Variants in UBE2J2 observed in about 807,000 individuals in gnomAD.
UBE2J2 encodes the protein ubiquitin-conjugating enzyme E2 J2.
UBE2J2 carries 5 observed loss-of-function variants against 28.6 expected under a neutral mutation model. The ratio of observed to expected loss-of-function variants is 0.17; its 90% CI spans 0.09 to 0.37. UBE2J2 has a LOEUF of 0.37. Among genes scored for constraint, UBE2J2 ranks in the 10% least tolerant of loss-of-function variants. The pLI is 1.00. For synonymous variants in UBE2J2, 138 were observed against 139.7 expected (o/e 0.99, Z 0.09); for missense variants, 226 against 338.9 (o/e 0.67, Z 2.62).
intron 5 of UBE2J2, among the ~76,000 whole-genome samples, 173 bp downstream of exon 5, chr1:1,256,819 G>A (rs1023193223): frequency 6.6e-6 from 1 of 151,316 alleles, no homozygotes; most frequent in Non-Finnish European, 1.5e-5. Context: ...CCCGGGGGGC[G>A]GAGCTTGCAG....
rs1225942546 is a variant in UBE2J2 at position 1,255,269 on chromosome 1, C to A, written c.714G>T (p.Val238=). 6.2e-7 allele frequency: 1 copy of A among 1,613,280 alleles called. No individual in the cohort carries two copies. Among genetic ancestry groups the A allele is most frequent in the African/African-American group, 1.3e-5 (1 of 74,956 alleles). The change falls in exon 7 of 7, where the codon GTG becomes GTT. Residue 238 remains valine (V), a synonymous_variant. Coordinates refer to ENST00000349431, the MANE Select transcript of UBE2J2 (RefSeq NM_058167.3). ...AAGCAAAGGCTGCAAACCCAACTAT[C>A]ACAAACAAGTTCGCCAGGGCGCCAC... The part of the protein sequence containing the change: ...LLGGALANLF[V]IVGFAAFAYT...
intron 1 of UBE2J2, among the ~76,000 whole-genome samples, chr1:1,270,498 C>A (rs1640094272): frequency 6.6e-6 from 1 of 152,260 alleles, no homozygotes; most frequent in East Asian, 1.9e-4. Flanking sequence ...TCAGCACCAC[C>A]CCCAACCCTG....
chr1:1,256,077 C>A lies in UBE2J2; in HGVS notation c.463G>T (p.Val155Phe). Residue 155 changes from valine (V) to phenylalanine (F), a missense_variant, in exon 6 of 7, where the codon GTC becomes TTC. Around this residue, in one of 3 missense-constraint regions of UBE2J2, gnomAD observed 133 missense variants for 161.5 expected, o/e 0.82. Coordinates refer to ENST00000349431, the MANE Select transcript of UBE2J2 (RefSeq NM_058167.3). ...ACTTCAGGAAATAATTCACAAAAGA[C>A]TTTATCTTTCAAATTAAATGCTAAA... ...QSLAFNLKDK[V>F]FCELFPEVVE... The A allele has an allele frequency of 6.2e-7, 1 of 1,613,798 alleles. No individual in the cohort carries two copies. The highest frequency in any genetic ancestry group is 8.5e-7 in the Non-Finnish European group (1 of 1,179,756).
intron 2 of UBE2J2, among the ~76,000 whole-genome samples, chr1:1,265,564 C>CGTGTGTGTGTGTGTGTGTGT (rs112951404): frequency 3.5e-5 from 5 of 143,234 alleles, no homozygotes; most frequent in African/African-American, 1.3e-4. Context: ...AGTTTTCTCT[C>CGTGTGTGTGTGTGTGTGTGT]GTGTGTGTGT....
At position 1,255,348 on chromosome 1, in the gene UBE2J2, G is replaced by T. The variant is rs1471159387; in HGVS notation, c.635C>A (p.Ala212Asp). Residue 212 changes from alanine to aspartate, a missense_variant, in exon 7 of 7, where the codon GCC becomes GAC. Physicochemically the swap from Ala to Asp is moderately radical, Grantham distance 126. This residue lies in a region of UBE2J2 where 133 missense variants were observed against 161.5 expected (regional missense o/e 0.82). Coordinates refer to ENST00000349431, the MANE Select transcript of UBE2J2 (RefSeq NM_058167.3). ...IQLLNGHAPG[A>D]VPNLAGLQQA... ...CTGGAGCCCTGCGAGGTTTGGGACG[G>T]CCCCCGGCGCATGCCCGTTGAGCAG... 1 of 1,613,664 alleles carries T rather than the reference G, an allele frequency of 6.2e-7. No homozygotes were observed. The highest frequency in any genetic ancestry group is 8.5e-7 in the Non-Finnish European group (1 of 1,180,042).
chr1:1,260,044 G>A (rs1476745056), intron 3 of UBE2J2, among the ~76,000 whole-genome samples: 4 of 152,160 alleles, frequency 2.6e-5, no homozygotes, highest in Non-Finnish European at 5.9e-5. Flanking sequence ...CTCCCCTGAA[G>A]ACACACATGG....
Position 1,254,340 on chromosome 1 carries a change from C to T in UBE2J2, c.*863G>A, listed in dbSNP as rs889004469. ...GGGGCACGGGATGTGAGGGAGGCCC[C>T]CGAGTGCACGGGGCCTTCTGCAGGG... On this transcript the variant is annotated 3_prime_UTR_variant, in exon 7 of 7. Transcript: ENST00000349431. 2.0e-4 allele frequency: 31 copies of T among 152,404 alleles called. 1 individual carries two copies. The highest frequency in any genetic ancestry group is 7.0e-4 in the African/African-American group (29 of 41,590). The allele number at this position is 152,404 out of a possible 1,614,324, so 9.4% of individuals were successfully genotyped here.
chr1:1,268,010 T>G lies in UBE2J2; in HGVS notation c.1-18A>C. On this transcript the variant is annotated intron_variant, in intron 1 of 6. Transcript: ENST00000349431. This position sits in a 1 kb window ranked among gnomAD's most constrained non-coding sequence, Gnocchi z 4.7. The stretch of plus-strand genomic sequence containing the variant: ...CTGCTCATCTGTTAAAAGCAACGTC[T>G]ACACTGACGACGAGAAGCAGCGCCG... 1.2e-6 allele frequency: 2 copies of G among 1,611,724 alleles called. No individual in the cohort carries two copies. The highest frequency in any genetic ancestry group is 8.5e-7 in the Non-Finnish European group (1 of 1,178,214).
chr1:1,266,816 G>A (rs1179944333), intron 2 of UBE2J2, among the ~76,000 whole-genome samples: 1 of 152,172 alleles, frequency 6.6e-6, no homozygotes, highest in Non-Finnish European at 1.5e-5. Context: ...GACAGTGCAA[G>A]ACTGTCTCAA....
In UBE2J2 at chr1:1,256,080, T is replaced by C. The variant is rs779578701; in HGVS notation, c.460A>G (p.Lys154Glu). The change falls in exon 6 of 7, where the codon AAA (lysine) becomes GAA (glutamate). Residue 154 changes from lysine (K) to glutamate (E), a missense_variant. Physicochemically the swap from Lys to Glu is moderately conservative, Grantham distance 56. This residue lies in a region of UBE2J2 where 133 missense variants were observed against 161.5 expected (regional missense o/e 0.82). Coordinates refer to ENST00000349431, the MANE Select transcript of UBE2J2 (RefSeq NM_058167.3). ...VQSLAFNLKD[K>E]VFCELFPEVV... ...TCAGGAAATAATTCACAAAAGACTT[T>C]ATCTTTCAAATTAAATGCTAAACTC... 1.2e-6 allele frequency: 2 copies of C among 1,613,864 alleles called. No homozygotes were observed.
chr1:1,267,533 C>G (rs1639937101), intron 2 of UBE2J2, among the ~76,000 whole-genome samples: 1 of 152,208 alleles, frequency 6.6e-6, no homozygotes, highest in Non-Finnish European at 1.5e-5. Flanking sequence ...ATACCTGGAC[C>G]CCTCCCCTAA....
intron 3 of UBE2J2, among the ~76,000 whole-genome samples, chr1:1,260,397 C>A (rs143486062): frequency 1.2e-3 from 185 of 152,312 alleles, no homozygotes; most frequent in African/African-American, 4.3e-3. Flanking sequence ...GCCAGTTGAG[C>A]GCAGAGGGTG....
At chr1:1,264,935 A>G (rs956993658) in intron 2 of UBE2J2, 1 of 153,422 alleles carries the variant, frequency 6.5e-6, no homozygotes, top group African/African-American at 2.4e-5. Flanking sequence ...ACGTATAGTA[A>G]TGTATACTAA....
intron 2 of UBE2J2, chr1:1,267,609 G>A: frequency 1.1e-6 from 1 of 940,442 alleles, no homozygotes; most frequent in African/African-American, 1.7e-5. Context: ...CCCCCTCAAG[G>A]GCCCCACACC....
chr1:1,269,445 T>C (rs1047653442), intron 1 of UBE2J2, among the ~76,000 whole-genome samples: 2 of 149,722 alleles, frequency 1.3e-5, no homozygotes, highest in African/African-American at 4.9e-5. Context: ...TCAGACTAGC[T>C]CCAACTCAAA....
chr1:1,262,255 G>A (rs898255580), intron 3 of UBE2J2: 17 of 450,148 alleles, frequency 3.8e-5, no homozygotes, highest in Admixed American at 7.2e-5. Flanking sequence ...ACCTGCTCCC[G>A]GGCCTTATCT....
At chr1:1,259,075 A>G (rs1272414486) in intron 3 of UBE2J2, among the ~76,000 whole-genome samples, 3 of 148,018 alleles carry the variant, frequency 2.0e-5, no homozygotes, top group Non-Finnish European at 3.0e-5. Context: ...GTGTGTGTGC[A>G]TGCCATCAGG....
intron 3 of UBE2J2, 48 bp downstream of exon 3, chr1:1,263,298 G>A (rs1639668826): frequency 2.6e-6 from 4 of 1,544,644 alleles, no homozygotes; most frequent in Non-Finnish European, 3.6e-6. Flanking sequence ...GGCTGACTGA[G>A]AATATAAAAA....
At position 1,256,138 on chromosome 1, in the gene UBE2J2, G is replaced by A; in HGVS notation, c.415-13C>T. The A allele has an allele frequency of 6.3e-7, 1 of 1,589,978 alleles. No individual in the cohort carries two copies. Among genetic ancestry groups the A allele is most frequent in the Non-Finnish European group, 8.6e-7 (1 of 1,159,636 alleles). ...CCAGTTGTCTTTTCTAGGAAGGAAG[G>A]GAAGGGAATCAGCCAGAAAACTAAT... is the stretch of plus-strand genomic sequence containing the variant. On this transcript the variant is annotated splice_polypyrimidine_tract_variant and intron_variant, in intron 5 of 6. Transcript: ENST00000349431.
Sources: allele counts gnomAD v4.1 joint callset (sites outside exome capture counted in the v4.1 genomes callset), GRCh38; gene constraint gnomAD v4.1.1; regional missense constraint gnomAD v4.1.1; non-coding constraint Gnocchi (gnomAD v3.1); transcripts MANE v1.5; gene names NCBI Gene and HGNC (gene_info 2026-07-23, HGNC 2026-07-21).